WDPCP: variants seen among roughly 807,000 people sequenced by gnomAD.
WDPCP encodes the protein WD repeat containing planar cell polarity effector, also known as WD repeat-containing and planar cell polarity effector protein fritz homolog.
In WDPCP, 71 loss-of-function variants were observed where a neutral mutation model predicts 93.1. The observed-to-expected ratio is 0.76, with a 90% CI of 0.63 to 0.93. WDPCP has a LOEUF of 0.93. Ranked by LOEUF, WDPCP falls within the 40% of genes least tolerant of loss-of-function variation. The pLI, the probability that WDPCP is intolerant of heterozygous loss-of-function variation, is 0.00. For synonymous variants in WDPCP, 315 were observed against 315.0 expected, an observed-to-expected ratio of 1.00 and a Z score of 0.00; for missense variants, 844 against 887.4, an observed-to-expected ratio of 0.95 and a Z score of 0.62.
chr2:63,709,298 G>A (rs540135042), intron 2 of WDPCP, among the ~76,000 whole-genome samples: 1 of 151,946 alleles, frequency 6.6e-6, no homozygotes, highest in Non-Finnish European at 1.5e-5. Flanking sequence ...CTGGGTAACA[G>A]ACCGAAACTC....
intron 6 of WDPCP, among the ~76,000 whole-genome samples, chr2:63,453,164 G>T (rs1698375091): frequency 6.6e-6 from 1 of 152,112 alleles, no homozygotes; most frequent in Non-Finnish European, 1.5e-5. Flanking sequence ...GCAACCTACA[G>T]AATGGGAGAA....
chr2:63,830,756 T>A (rs546904181), upstream of WDPCP, among the ~76,000 whole-genome samples: 1 of 152,278 alleles, frequency 6.6e-6, no homozygotes, highest in African/African-American at 2.4e-5. Flanking sequence ...TATTCTTCCT[T>A]ATTCTCTCTC....
In WDPCP at chr2:63,438,498, G is replaced by A. The variant is rs116296702; in HGVS notation, c.500-944C>T. ...TGAAAGTTTCCTTTTAATTCTCATTGAGGAGCATCAATATAACAAAATCAT... is the reference window on the plus strand; with the variant it reads ...TGAAAGTTTCCTTTTAATTCTCATTAAGGAGCATCAATATAACAAAATCAT... On this transcript the variant is annotated intron_variant, in intron 7 of 17. Coordinates refer to ENST00000272321, the MANE Select transcript of WDPCP (RefSeq NM_015910.7). 4.2e-3 allele frequency among the ~76,000 whole-genome samples: 639 copies of A among 152,166 alleles called. 8 individuals are homozygous for A. Among genetic ancestry groups the A allele is most frequent in the African/African-American group, 0.014 (598 of 41,524 alleles).
chr2:63,504,538 C>G (rs1701751431), intron 1 of WDPCP, among the ~76,000 whole-genome samples: 1 of 151,846 alleles, frequency 6.6e-6, no homozygotes, highest in African/African-American at 2.4e-5. Flanking sequence ...TGCACAAATT[C>G]AATCATCTCA....
At chr2:63,522,955 T>C (rs1407789227) in intron 1 of WDPCP, among the ~76,000 whole-genome samples, 1 of 152,216 alleles carries the variant, frequency 6.6e-6, no homozygotes, top group East Asian at 1.9e-4. Context: ...TAACTCATTC[T>C]ATGAGGCCAG....
chr2:63,530,273 G>A (rs2106228591), intron 1 of WDPCP, among the ~76,000 whole-genome samples: 1 of 152,178 alleles, frequency 6.6e-6, no homozygotes, highest in South Asian at 2.1e-4. Flanking sequence ...TGCTTCTCTA[G>A]TTCTTTTCAT....
rs1029164272 is a variant in WDPCP, at chr2:63,231,077, G to T, written c.1915+28230C>A. Among the ~76,000 whole-genome samples, 8 of 152,178 alleles carry T rather than the reference G, an allele frequency of 5.3e-5. No homozygotes were observed. The East Asian group carries it at 1.5e-3, about 29-fold the overall frequency. On this transcript the variant is annotated intron_variant, in intron 14 of 17. Transcript: ENST00000272321. ...ATCAAGTGGGCTTCATCCCTGGGATGCAAGGCTGGTTCAATATATGCAAAT... is the reference window on the plus strand; with the variant it reads ...ATCAAGTGGGCTTCATCCCTGGGATTCAAGGCTGGTTCAATATATGCAAAT...
chr2:63,241,447 A>G (rs1480046856), intron 14 of WDPCP, among the ~76,000 whole-genome samples: 1 of 152,204 alleles, frequency 6.6e-6, no homozygotes, highest in Non-Finnish European at 1.5e-5. Flanking sequence ...TCAATTGTTT[A>G]TAGAATTAAA....
intron 14 of WDPCP, among the ~76,000 whole-genome samples, chr2:63,204,325 T>C (rs976791901): frequency 6.7e-6 from 1 of 149,648 alleles, no homozygotes; most frequent in Admixed American, 6.7e-5. Context: ...CATTTTTATA[T>C]GCCCGTTTGC....
chr2:63,536,034 C>T (rs943012617), intron 1 of WDPCP, among the ~76,000 whole-genome samples: 18 of 152,122 alleles, frequency 1.2e-4, no homozygotes, highest in Non-Finnish European at 2.4e-4. Flanking sequence ...CAAACAATCC[C>T]ATCAAAAACT....
intron 6 of WDPCP, among the ~76,000 whole-genome samples, chr2:63,460,284 G>C (rs1232470825): frequency 6.6e-6 from 1 of 152,114 alleles, no homozygotes; most frequent in Non-Finnish European, 1.5e-5. Context: ...CTAAAAGCTT[G>C]ACCTCATGGA....
chr2:63,507,770 G>A (rs1701974690), intron 1 of WDPCP, among the ~76,000 whole-genome samples: 1 of 152,170 alleles, frequency 6.6e-6, no homozygotes, highest in Non-Finnish European at 1.5e-5. Flanking sequence ...AACACAGCAC[G>A]AGAACTTCAT....
chr2:63,698,183 T>C (rs1345242128), intron 2 of WDPCP, among the ~76,000 whole-genome samples: 1 of 151,514 alleles, frequency 6.6e-6, no homozygotes, highest in Non-Finnish European at 1.5e-5. Context: ...CTCAAACTCC[T>C]GACCTCAGGT....
chr2:63,647,166 C>T (rs1710061366), intron 3 of WDPCP, among the ~76,000 whole-genome samples: 1 of 152,072 alleles, frequency 6.6e-6, no homozygotes, highest in Non-Finnish European at 1.5e-5. Context: ...GAGATGGAGT[C>T]TCACCCTGTC....
intron 2 of WDPCP, among the ~76,000 whole-genome samples, chr2:63,747,702 C>G (rs1280159310): frequency 6.6e-6 from 1 of 152,032 alleles, no homozygotes; most frequent in African/African-American, 2.4e-5. Context: ...GTCCTGAAAG[C>G]TGGTAGGACA....
intron 2 of WDPCP, among the ~76,000 whole-genome samples, chr2:63,660,913 TGACA>T (rs1245480741): frequency 4.6e-5 from 7 of 152,226 alleles, no homozygotes; most frequent in Admixed American, 4.6e-4. Context: ...GACCATTTAA[TGACA>T]TTATTTGATA....
At chr2:63,438,822 A>G (rs1402551698) in intron 7 of WDPCP, among the ~76,000 whole-genome samples, 3 of 152,102 alleles carry the variant, frequency 2.0e-5, no homozygotes, top group South Asian at 2.1e-4. Flanking sequence ...TTCCACTAGG[A>G]CATACTTCCT....
chr2:63,200,676 G>C (rs1316058582), intron 14 of WDPCP, among the ~76,000 whole-genome samples: 1 of 152,066 alleles, frequency 6.6e-6, no homozygotes, highest in African/African-American at 2.4e-5. Flanking sequence ...AGGCTGGAAA[G>C]GGTAGTGGGG....
chr2:63,736,380 G>T (rs757181596), intron 2 of WDPCP, among the ~76,000 whole-genome samples: 2 of 152,112 alleles, frequency 1.3e-5, no homozygotes, highest in African/African-American at 2.4e-5. Context: ...TTACTTATCA[G>T]GTATCATAAA....
Sources: gnomAD v4.1 joint callset for allele counts (sites outside exome capture counted in the v4.1 genomes callset) on GRCh38, gnomAD v4.1.1 for gene constraint, MANE v1.5 for transcripts, NCBI Gene and HGNC (gene_info 2026-07-23, HGNC 2026-07-21) for gene names.